The following SMYD2 variants were observed in gnomAD, a reference collection of about 807,000 sequenced individuals.
SMYD2 encodes the protein SET and MYND domain containing 2.
SMYD2 carries 53 observed loss-of-function variants against 59.1 expected under a neutral mutation model. The observed-to-expected ratio is 0.90, with a 90% CI of 0.72 to 1.13. The LOEUF is 1.13. SMYD2 is among the 50% of genes most tolerant of loss of function. The probability of loss-of-function intolerance (pLI) is 0.00; values close to 1 mark genes in which losing one functional copy is unlikely to be tolerated. For missense variants in SMYD2, 494 were observed against 544.7 expected, an observed-to-expected ratio of 0.91 and a Z score of 0.93; for synonymous variants, 208 against 198.8, an observed-to-expected ratio of 1.05 and a Z score of -0.39.
At chr1:214,301,275 C>A (rs576624115) in intron 1 of SMYD2, among the ~76,000 whole-genome samples, 40 of 151,984 alleles carry the variant, frequency 2.6e-4, no homozygotes, top group Non-Finnish European at 4.9e-4. Flanking sequence ...CAGTTAAATG[C>A]GGATGTTCTT....
rs1386003340 is a variant in SMYD2 at position 214,336,830 on chromosome 1, C to T, written c.*46C>T. 1 of 1,525,040 alleles carries T rather than the reference C, an allele frequency of 6.6e-7. No homozygotes were observed. The highest frequency in any genetic ancestry group is 1.8e-5 in the Admixed American group (1 of 56,492). The allele number at this position is 1,525,040 out of a possible 1,614,324, so 94.5% of individuals were successfully genotyped here. Reference sequence around the variant, plus strand: ...TTCATTTAAACACTTAGTTCAGAAACCTTAAAGGATTTGAATATTTCAAAT... The same window carrying T: ...TTCATTTAAACACTTAGTTCAGAAATCTTAAAGGATTTGAATATTTCAAAT... On this transcript the variant is annotated 3_prime_UTR_variant, in exon 12 of 12. Transcript: ENST00000366957.
At chr1:214,327,022 ATCTC>A (rs1385343786) in intron 6 of SMYD2, among the ~76,000 whole-genome samples, 2 of 152,246 alleles carry the variant, frequency 1.3e-5, no homozygotes, top group African/African-American at 2.4e-5. Context: ...GCATAGGCGA[ATCTC>A]TCTCTCTCCT....
At chr1:214,307,127 C>T (rs780659637) in intron 2 of SMYD2, among the ~76,000 whole-genome samples, 6 of 152,188 alleles carry the variant, frequency 3.9e-5, no homozygotes, top group Non-Finnish European at 8.8e-5. Flanking sequence ...GAGCCGAGAT[C>T]GTGCCTTTGC....
chr1:214,314,659 T>C lies in SMYD2; in HGVS notation c.238-103T>C. On this transcript the variant is annotated intron_variant, in intron 2 of 11. Coordinates refer to ENST00000366957, the MANE Select transcript of SMYD2 (RefSeq NM_020197.3). ...CTCGTGTTTTCCAAAAGGAAACATATTTTACTTGACCTTAACTAGGGGGAC... is the reference window on the plus strand; with the variant it reads ...CTCGTGTTTTCCAAAAGGAAACATACTTTACTTGACCTTAACTAGGGGGAC... The C allele has an allele frequency of 3.9e-6, 3 of 774,072 alleles. No individual in the cohort carries two copies. The East Asian group carries it at 7.8e-5, about 20-fold the overall frequency. 48.0% of individuals were successfully genotyped at this position (774,072 alleles called of 1,614,324 possible).
At chr1:214,293,763 G>A (rs150670224) in intron 1 of SMYD2, among the ~76,000 whole-genome samples, 11,479 of 152,024 alleles carry the variant, frequency 0.076, 483 homozygotes, top group South Asian at 0.2. Context: ...TGCAACCTCC[G>A]CCTCCCAGGT....
chr1:214,302,319 A>G (rs1397619404), intron 1 of SMYD2, among the ~76,000 whole-genome samples: 1 of 147,864 alleles, frequency 6.8e-6, no homozygotes, highest in East Asian at 2.0e-4. Flanking sequence ...AGCCTGGGCA[A>G]CAGAGCAAGA....
chr1:214,287,065 G>T (rs1176149690), intron 1 of SMYD2, among the ~76,000 whole-genome samples: 1 of 151,838 alleles, frequency 6.6e-6, no homozygotes, highest in East Asian at 2.0e-4. Context: ...CTGACCTCAG[G>T]TGATCCACCT....
chr1:214,307,252 GC>G (rs1388475571), intron 2 of SMYD2, among the ~76,000 whole-genome samples: 2 of 152,228 alleles, frequency 1.3e-5, no homozygotes, highest in Non-Finnish European at 2.9e-5. Context: ...GCACAATGGT[GC>G]CCACCTTGAT....
chr1:214,296,277 A>G (rs1211350190), intron 1 of SMYD2, among the ~76,000 whole-genome samples: 1 of 152,236 alleles, frequency 6.6e-6, no homozygotes, highest in African/African-American at 2.4e-5. Flanking sequence ...GAAATTAATC[A>G]CTGTGTGTGT....
At chr1:214,306,621 AT>A (rs1274434488) in intron 2 of SMYD2, among the ~76,000 whole-genome samples, 2 of 152,168 alleles carry the variant, frequency 1.3e-5, no homozygotes, top group Non-Finnish European at 2.9e-5. Context: ...GCTCCTACCA[AT>A]TGTAGATAGA....
At chr1:214,317,584 AAGCC>A (rs1344660078) in intron 3 of SMYD2, among the ~76,000 whole-genome samples, 1 of 152,238 alleles carries the variant, frequency 6.6e-6, no homozygotes, top group Non-Finnish European at 1.5e-5. Flanking sequence ...GTCTAGAACA[AAGCC>A]AGCAACGCGT....
At chr1:214,314,736 A>G (rs1413014879) in intron 2 of SMYD2, 26 bp from the exon 3 acceptor site, 5 of 1,562,120 alleles carry the variant, frequency 3.2e-6, no homozygotes, top group Non-Finnish European at 4.4e-6. Flanking sequence ...GCTATTTTTT[A>G]ATAATGTTTT....
At position 214,281,376 on chromosome 1, in the gene SMYD2, A is replaced by C; in HGVS notation, c.122A>C (p.Tyr41Ser). 4 of 1,460,782 alleles carry C rather than the reference A, an allele frequency of 2.7e-6. No homozygotes were observed. Among genetic ancestry groups the C allele is most frequent in the South Asian group, 2.9e-5 (2 of 68,410 alleles). The allele number at this position is 1,460,782 out of a possible 1,614,324, so 90.5% of individuals were successfully genotyped here. ...DLLFSCPAYA[Y>S]VLTVNERGNH... The stretch of plus-strand genomic sequence containing the variant: ...CTGTTCTCCTGCCCGGCCTATGCCT[A>C]CGTGCTCACGGTCAACGAGCGGGGC... The change falls in exon 1 of 12, where the codon TAC becomes TCC. Residue 41 changes from tyrosine to serine, a missense_variant. By Grantham distance (144) the Tyr-to-Ser change is moderately radical (BLOSUM62 -2). Transcript: ENST00000366957.
rs762045201 is a variant in SMYD2 at position 214,331,076 on chromosome 1, C to T, written c.937+6C>T. On this transcript the variant is annotated splice_donor_region_variant and intron_variant, in intron 9 of 11. Coordinates refer to ENST00000366957, the MANE Select transcript of SMYD2 (RefSeq NM_020197.3). ...GAGGGCCAAGCACTATAAATATATCCTTTACAACTGCCCTGATAGCTTATT... is the reference window on the plus strand; with the variant it reads ...GAGGGCCAAGCACTATAAATATATCTTTTACAACTGCCCTGATAGCTTATT... 2 of 1,613,954 alleles carry T rather than the reference C, an allele frequency of 1.2e-6. No individual in the cohort carries two copies. The highest frequency in any genetic ancestry group is 1.7e-6 in the Non-Finnish European group (2 of 1,179,886).
chr1:214,292,089 T>TGAGAGAGAGAGAGA lies in SMYD2; in HGVS notation c.173+10681_173+10694dup, dbSNP rs56410935. Among the ~76,000 whole-genome samples, 950 of 145,956 alleles carry TGAGAGAGAGAGAGA rather than the reference T, an allele frequency of 6.5e-3. 10 individuals carry two copies. The highest frequency in any genetic ancestry group is 0.023 in the African/African-American group (898 of 39,068). Reference sequence around the variant, plus strand: ...CTCAGCTACTAAATATTTTCTAGGGTGAGAGAGAGAGAGAGAGAGAGAGAG... The same window carrying TGAGAGAGAGAGAGA: ...CTCAGCTACTAAATATTTTCTAGGGTGAGAGAGAGAGAGAGAGAGAGAGAGAGAGAGAGAGAGAG... On this transcript the variant is annotated intron_variant, in intron 1 of 11. Transcript: ENST00000366957.
At chr1:214,330,877 T>C (rs1280573922) in intron 8 of SMYD2, 73 bp from the exon 9 acceptor site, 4 of 1,606,186 alleles carry the variant, frequency 2.5e-6, no homozygotes, top group Middle Eastern at 2.2e-4. Context: ...GAATGTGTAT[T>C]ATATGAGAGG....
In SMYD2 at chr1:214,332,208, G is replaced by T. The variant is rs1042986898; in HGVS notation, c.1112+16G>T. 5 of 1,612,392 alleles carry T rather than the reference G, an allele frequency of 3.1e-6. No homozygotes were observed. In the African/African-American group the frequency reaches 6.7e-5, roughly 22 times the overall value. ...AGCCCTACAGGTGATTGCAGAGGCT[G>T]TTCTAATCATCCACGGAGTGGAATT... On this transcript the variant is annotated intron_variant, in intron 10 of 11. Coordinates refer to ENST00000366957, the MANE Select transcript of SMYD2 (RefSeq NM_020197.3).
At chr1:214,308,034 C>G (rs149867824) in intron 2 of SMYD2, among the ~76,000 whole-genome samples, 13 of 152,368 alleles carry the variant, frequency 8.5e-5, no homozygotes, top group Admixed American at 2.6e-4. Context: ...CCAAGAGAGC[C>G]TGCTGTGTCC....
intron 2 of SMYD2, among the ~76,000 whole-genome samples, chr1:214,313,078 G>A (rs1162196192): frequency 6.6e-6 from 1 of 152,198 alleles, no homozygotes; most frequent in Non-Finnish European, 1.5e-5. Flanking sequence ...GTGTGAGTGA[G>A]AGAGCAGCGT....
Sources: allele counts gnomAD v4.1 joint callset (sites outside exome capture counted in the v4.1 genomes callset), GRCh38; gene constraint gnomAD v4.1.1; transcripts MANE v1.5; gene names NCBI Gene and HGNC (gene_info 2026-07-23, HGNC 2026-07-21).